The following TPRG1 variants were observed in gnomAD, a reference collection of about 807,000 sequenced individuals.
TPRG1 encodes the protein tumor protein p63 regulated 1, also known as tumor protein p63-regulated gene 1 protein.
A neutral mutation model predicts 29.3 loss-of-function variants in TPRG1; 29 were observed. The ratio of observed to expected loss-of-function variants is 0.99; its 90% CI spans 0.74 to 1.35. The LOEUF (loss-of-function observed/expected upper bound fraction) is 1.35, where lower values mean the gene tolerates loss of function less well. TPRG1 is among the 40% of genes most tolerant of loss of function. TPRG1 has a pLI of 0.00. For synonymous variants in TPRG1, 130 were observed against 116.8 expected (o/e 1.11, Z -0.73); for missense variants, 327 against 335.0 (o/e 0.98, Z 0.19).
chr3:189,182,794 C>T (rs1293282188), intron 1 of TPRG1, among the ~76,000 whole-genome samples: 1 of 151,562 alleles, frequency 6.6e-6, no homozygotes, highest in South Asian at 2.1e-4. Context: ...TATTTATTTC[C>T]AGCTTTATTG....
intron 2 of TPRG1, 36 bp from the exon 3 acceptor site, chr3:189,215,256 C>T (rs1194363873): frequency 6.4e-7 from 1 of 1,567,396 alleles, no homozygotes; most frequent in Non-Finnish European, 8.7e-7. Flanking sequence ...TGGGCTAAGT[C>T]TGCTCTAAAC....
At position 189,301,918 on chromosome 3, in the gene TPRG1, G is replaced by A. The variant is rs539882854; in HGVS notation, c.480-8468G>A. On this transcript the variant is annotated intron_variant, in intron 4 of 5. Transcript: ENST00000345063. ...CCATGCACTTTTCTGTTTAATCACA[G>A]CACCCTCCCCTGCAACCTCTACCAA... Among the ~76,000 whole-genome samples, 51 of 152,246 alleles carry A rather than the reference G, an allele frequency of 3.3e-4. No individual in the cohort carries two copies. In the South Asian group the frequency reaches 0.01, roughly 30 times the overall value.
intron 4 of TPRG1, among the ~76,000 whole-genome samples, chr3:189,274,359 T>C (rs1181187816): frequency 1.3e-5 from 2 of 152,152 alleles, no homozygotes; most frequent in Admixed American, 6.5e-5. Context: ...TTACATAAAA[T>C]ATTATTTTTC....
rs553446167 is a variant in TPRG1 at position 189,174,691 on chromosome 3, G to T, written c.-10+2560G>T. On this transcript the variant is annotated intron_variant, in intron 1 of 5. Transcript: ENST00000345063. Reference sequence around the variant, plus strand: ...ATGACTTCAGTAGAACATACCGTTGGCTCTGATACCTACCCAGGATATTTT... The same window carrying T: ...ATGACTTCAGTAGAACATACCGTTGTCTCTGATACCTACCCAGGATATTTT... Among the ~76,000 whole-genome samples the T allele has an allele frequency of 2.6e-5, 4 of 152,258 alleles. No homozygotes were observed. The East Asian group carries it at 7.7e-4, about 29-fold the overall frequency.
intron 4 of TPRG1, among the ~76,000 whole-genome samples, chr3:189,089,721 A>G (rs1346379316): frequency 1.8e-4 from 27 of 152,120 alleles, no homozygotes; most frequent in Admixed American, 1.8e-3. Context: ...GCACTAACCC[A>G]TTAACCTATT....
chr3:189,176,757 C>T (rs1188866721), intron 1 of TPRG1, among the ~76,000 whole-genome samples: 1 of 152,144 alleles, frequency 6.6e-6, no homozygotes, highest in African/African-American at 2.4e-5. Context: ...AGCCTGGCAT[C>T]TTTGAAAAAT....
At chr3:189,032,645 G>C (rs1713994268) in intron 4 of TPRG1, among the ~76,000 whole-genome samples, 1 of 149,902 alleles carries the variant, frequency 6.7e-6, no homozygotes, top group East Asian at 2.0e-4. Context: ...TGTGCACAAT[G>C]TGCAGGTTAG....
At chr3:189,035,365 C>T (rs552368639) in intron 4 of TPRG1, among the ~76,000 whole-genome samples, 114 of 152,214 alleles carry the variant, frequency 7.5e-4, no homozygotes, top group African/African-American at 2.3e-3. Context: ...TCATTCTGTA[C>T]ATCACCTTGG....
chr3:189,171,147 T>G (rs1469271949), upstream of TPRG1, among the ~76,000 whole-genome samples: 1 of 152,258 alleles, frequency 6.6e-6, no homozygotes, highest in Non-Finnish European at 1.5e-5. Context: ...AGATTCTATT[T>G]CATTTTTTTA....
chr3:189,194,786 G>A (rs1440044965), intron 1 of TPRG1, among the ~76,000 whole-genome samples: 2 of 152,140 alleles, frequency 1.3e-5, no homozygotes, highest in Non-Finnish European at 2.9e-5. Context: ...GGGCTCAGCA[G>A]TATCTCAGCC....
chr3:189,295,678 G>A (rs754236852), intron 4 of TPRG1, among the ~76,000 whole-genome samples: 1 of 151,942 alleles, frequency 6.6e-6, no homozygotes, highest in African/African-American at 2.4e-5. Context: ...GTGTGTACGT[G>A]CACATTTTCA....
In TPRG1 at chr3:189,287,677, G is replaced by A. The variant is rs534618532; in HGVS notation, c.480-22709G>A. 6.8e-4 allele frequency among the ~76,000 whole-genome samples: 103 copies of A among 152,272 alleles called. No homozygotes were observed. In the South Asian group the frequency reaches 7.5e-3, roughly 11 times the overall value. On this transcript the variant is annotated intron_variant, in intron 4 of 5. Coordinates refer to ENST00000345063, the MANE Select transcript of TPRG1 (RefSeq NM_198485.4). ...CTCCCAAAGTGCTGGGATTACAGGC[G>A]TGAGCCACCATGCCCAGCCTACTTG...
At chr3:189,313,515 A>G (rs12635506) in intron 5 of TPRG1, among the ~76,000 whole-genome samples, 14,857 of 152,254 alleles carry the variant, frequency 0.098, 919 homozygotes, top group East Asian at 0.19. Flanking sequence ...CTATTGTCTC[A>G]CGGGGAGGGA....
At chr3:189,130,374 T>C (rs1722971018) in intron 2 of TPRG1, among the ~76,000 whole-genome samples, 1 of 152,358 alleles carries the variant, frequency 6.6e-6, no homozygotes. Flanking sequence ...AAGGAAATGG[T>C]GAATTAACTT....
chr3:189,239,026 A>G, intron 4 of TPRG1, 117 bp downstream of exon 4: 1 of 842,270 alleles, frequency 1.2e-6, no homozygotes, highest in Non-Finnish European at 1.8e-6. Context: ...AGGATAGTGA[A>G]ATCATGAAAG....
At chr3:189,042,438 G>T (rs1305910610) in intron 4 of TPRG1, among the ~76,000 whole-genome samples, 2 of 152,024 alleles carry the variant, frequency 1.3e-5, no homozygotes, top group African/African-American at 2.4e-5. Context: ...TAATTTATAG[G>T]TTACTTAGGT....
intron 1 of TPRG1, among the ~76,000 whole-genome samples, chr3:189,125,151 A>C (rs1722303785): frequency 6.6e-6 from 1 of 152,176 alleles, no homozygotes; most frequent in Non-Finnish European, 1.5e-5. Flanking sequence ...AAGTTTTCTT[A>C]TTGTTTTTAA....
chr3:189,002,338 C>G (rs987916964), intron 2 of TPRG1, among the ~76,000 whole-genome samples: 1 of 151,744 alleles, frequency 6.6e-6, no homozygotes, highest in African/African-American at 2.4e-5. Context: ...CTTGTGAAAA[C>G]AACTGATATA....
intron 3 of TPRG1, among the ~76,000 whole-genome samples, chr3:189,234,543 T>G: frequency 6.6e-6 from 1 of 152,222 alleles, no homozygotes; most frequent in Middle Eastern, 3.2e-3. Flanking sequence ...TGTTACTGAT[T>G]GTTTATTGAC....
Sources: allele counts gnomAD v4.1 joint callset (sites outside exome capture counted in the v4.1 genomes callset), GRCh38; gene constraint gnomAD v4.1.1; transcripts MANE v1.5; gene names NCBI Gene and HGNC (gene_info 2026-07-23, HGNC 2026-07-21).